The following CWH43 variants were observed in gnomAD, a reference collection of about 807,000 sequenced individuals.
The protein encoded by CWH43 is PGAP2-interacting protein.
Under a neutral mutation model 85.7 loss-of-function variants are expected in CWH43, and 91 were observed. The observed-to-expected ratio is 1.06, with a 90% confidence interval of 0.90 to 1.26. The LOEUF (loss-of-function observed/expected upper bound fraction) is 1.26, where lower values mean the gene tolerates loss of function less well. Ranked by LOEUF, CWH43 falls within the 50% of genes most tolerant of loss-of-function variation. The pLI is 0.00. For synonymous variants in CWH43, 323 were observed against 293.6 expected (o/e 1.10, Z -1.02); for missense variants, 869 against 839.2 (o/e 1.04, Z -0.44).
Position 49,044,860 on chromosome 4 carries a change from G to T in CWH43, c.1865+13G>T, listed in dbSNP as rs746576426. The T allele has an allele frequency of 1.2e-6, 2 of 1,606,352 alleles. No homozygotes were observed. Among genetic ancestry groups the T allele is most frequent in the Middle Eastern group, 1.7e-4 (1 of 6,042 alleles). On this transcript the variant is annotated intron_variant, in intron 14 of 15. Transcript: ENST00000226432. ...GAGGGCTGATCAGGTGAGCACAGGG[G>T]TTTGATTTTGTTTTTAATCTATTAT...
rs1359529524 is a variant in CWH43, at chr4:49,012,973, G to A, written c.1187-4276G>A. ...AGGGACCTACATGAGGAGGCAGTCT[G>A]TCTGTTCTCAGAGCTCAAATGCCGT... On this transcript the variant is annotated intron_variant, in intron 8 of 15. Coordinates refer to ENST00000226432, the MANE Select transcript of CWH43 (RefSeq NM_025087.3). Among the ~76,000 whole-genome samples the A allele has an allele frequency of 2.0e-5, 3 of 152,356 alleles. No homozygotes were observed. In the South Asian group the frequency reaches 6.2e-4, roughly 32 times the overall value.
intron 1 of CWH43, 102 bp from the exon 2 acceptor site, chr4:48,988,375 G>T: frequency 1.2e-6 from 1 of 842,604 alleles, no homozygotes; most frequent in Non-Finnish European, 1.8e-6. Flanking sequence ...GAGTCATGAA[G>T]AAGAATGACC....
At chr4:49,049,342 T>C (rs1313190985) in intron 14 of CWH43, among the ~76,000 whole-genome samples, 1 of 152,150 alleles carries the variant, frequency 6.6e-6, no homozygotes, top group African/African-American at 2.4e-5. Context: ...GGCTTTGTTT[T>C]AAGTTTTTCT....
At chr4:49,057,408 C>T (rs1349846209) in intron 15 of CWH43, among the ~76,000 whole-genome samples, 2 of 152,196 alleles carry the variant, frequency 1.3e-5, no homozygotes, top group South Asian at 2.1e-4. Flanking sequence ...TTCTGATTAG[C>T]CTCTCTGAAA....
rs769954787 is a variant in CWH43, at chr4:49,032,613, T to C, written c.1556T>C (p.Leu519Pro). Residue 519 changes from leucine to proline, a missense_variant, in exon 12 of 16, where the codon CTT becomes CCT. Leu to Pro is a moderately conservative substitution (Grantham distance 98, BLOSUM62 -3). This residue lies in a region of CWH43 where 577 missense variants were observed against 513.1 expected (regional missense o/e 1.12). Coordinates refer to ENST00000226432, the MANE Select transcript of CWH43 (RefSeq NM_025087.3). ...RYPIVKSEHH[L>P]LPSPEGEIAP... ...CCAATTGTGAAATCTGAGCATCACC[T>C]TCTTCCGTCACCAGAGGGCGAGATC... is the stretch of plus-strand genomic sequence containing the variant. 4 of 1,613,972 alleles carry C rather than the reference T, an allele frequency of 2.5e-6. No homozygotes were observed. The African/African-American group carries it at 5.3e-5, about 22-fold the overall frequency.
chr4:49,021,618 G>T (rs1783753063), intron 9 of CWH43, among the ~76,000 whole-genome samples: 1 of 152,038 alleles, frequency 6.6e-6, no homozygotes, highest in African/African-American at 2.4e-5. Context: ...GAATTGCATT[G>T]AATTTGTAGA....
chr4:49,060,858 A>T (rs1785132573), intron 15 of CWH43, among the ~76,000 whole-genome samples: 1 of 152,126 alleles, frequency 6.6e-6, no homozygotes, highest in Admixed American at 6.5e-5. Flanking sequence ...TCACACAATT[A>T]TCCTTCTTTT....
rs762001084 is a variant in CWH43 at position 48,991,569 on chromosome 4, G to A, written c.351G>A (p.Leu117=). ...QAVTWWSGSH[L]QRYLRIWGFI... Reference sequence around the variant, plus strand: ...TGACTTGGTGGTCAGGAAGTCATTTGCAAAGGTATGGTTAATGTTTCATGT... The same window carrying A: ...TGACTTGGTGGTCAGGAAGTCATTTACAAAGGTATGGTTAATGTTTCATGT... Residue 117 remains leucine (L), a synonymous_variant, in exon 3 of 16, where the codon TTG becomes TTA. Transcript: ENST00000226432. The A allele has an allele frequency of 3.1e-6, 5 of 1,613,818 alleles. No individual in the cohort carries two copies. The highest frequency in any genetic ancestry group is 3.4e-6 in the Non-Finnish European group (4 of 1,179,924).
chr4:49,012,084 A>G (rs1783382669), intron 8 of CWH43, among the ~76,000 whole-genome samples: 1 of 152,208 alleles, frequency 6.6e-6, no homozygotes, highest in South Asian at 2.1e-4. Context: ...ACTTGGTTCC[A>G]TTCTCCCCGT....
At chr4:49,049,657 A>G (rs182819711) in intron 14 of CWH43, among the ~76,000 whole-genome samples, 54 of 152,216 alleles carry the variant, frequency 3.5e-4, no homozygotes, top group African/African-American at 1.3e-3. Context: ...GGCCCGCAAA[A>G]CACCAAGCAT....
intron 9 of CWH43, among the ~76,000 whole-genome samples, chr4:49,017,609 A>G (rs1266456455): frequency 6.6e-6 from 1 of 152,184 alleles, no homozygotes; most frequent in African/African-American, 2.4e-5. Flanking sequence ...AACTATGTGT[A>G]TTAGTTTGTT....
In CWH43 at chr4:48,988,682, G is replaced by C. The variant is rs1180952659; in HGVS notation, c.235+14G>C. The C allele has an allele frequency of 3.3e-6, 5 of 1,537,454 alleles. No homozygotes were observed. Among genetic ancestry groups the C allele is most frequent in the Non-Finnish European group, 4.4e-6 (5 of 1,139,250 alleles). On this transcript the variant is annotated intron_variant, in intron 2 of 15. Transcript: ENST00000226432. Reference sequence around the variant, plus strand: ...TAATCACTATTGGTAAGATTTAAAAGAGTTTCTTTAAGTTGTTTTTTTTAA... The same window carrying C: ...TAATCACTATTGGTAAGATTTAAAACAGTTTCTTTAAGTTGTTTTTTTTAA...
intron 6 of CWH43, among the ~76,000 whole-genome samples, chr4:49,002,489 A>T (rs560203193): frequency 6.6e-6 from 1 of 152,350 alleles, no homozygotes; most frequent in African/African-American, 2.4e-5. Context: ...ACTTCTGTAT[A>T]TACACAGAAG....
intron 15 of CWH43, among the ~76,000 whole-genome samples, chr4:49,051,815 G>A (rs993188951): frequency 1.3e-5 from 2 of 152,144 alleles, no homozygotes; most frequent in African/African-American, 4.8e-5. Context: ...GACCTCAGGT[G>A]ACCCACCTGC....
At chr4:49,037,050 C>A (rs1191113204) in intron 12 of CWH43, among the ~76,000 whole-genome samples, 1 of 152,194 alleles carries the variant, frequency 6.6e-6, no homozygotes, top group Admixed American at 6.5e-5. Context: ...TTCCCATCGC[C>A]TAGCTAACCA....
chr4:49,059,531 G>A (rs1006926802), intron 15 of CWH43, among the ~76,000 whole-genome samples: 1 of 152,162 alleles, frequency 6.6e-6, no homozygotes, highest in Non-Finnish European at 1.5e-5. Flanking sequence ...TTATGGACAT[G>A]CCCTGGTATC....
intron 12 of CWH43, among the ~76,000 whole-genome samples, chr4:49,037,789 A>T (rs1383478285): frequency 2.0e-5 from 3 of 152,108 alleles, no homozygotes; most frequent in African/African-American, 7.2e-5. Flanking sequence ...TAGATCTTTA[A>T]ATTGACTTGA....
At chr4:48,991,071 T>A (rs1394425055) in intron 2 of CWH43, among the ~76,000 whole-genome samples, 2 of 151,980 alleles carry the variant, frequency 1.3e-5, no homozygotes, top group Admixed American at 6.5e-5. Flanking sequence ...GTGCCCAGAA[T>A]AGGAAAAATT....
chr4:49,013,138 T>G (rs545333887), intron 8 of CWH43, among the ~76,000 whole-genome samples: 1 of 152,356 alleles, frequency 6.6e-6, no homozygotes, highest in East Asian at 1.9e-4. Context: ...TGAGCTGTGG[T>G]GGGCTCCACC....
Sources: gnomAD v4.1 joint callset for allele counts (sites outside exome capture counted in the v4.1 genomes callset) on GRCh38, gnomAD v4.1.1 for gene constraint, gnomAD v4.1.1 regional missense constraint, MANE v1.5 for transcripts, NCBI Gene and HGNC (gene_info 2026-07-23, HGNC 2026-07-21) for gene names.